Variants in VSIG1 observed in about 807,000 individuals in gnomAD.
VSIG1 encodes V-set and immunoglobulin domain containing 1, also known as V-set and immunoglobulin domain-containing protein 1.
A neutral mutation model predicts 20.1 loss-of-function variants in VSIG1; 11 were observed. The ratio of observed to expected loss-of-function variants is 0.55; its 90% CI spans 0.34 to 0.91. The LOEUF (loss-of-function observed/expected upper bound fraction) is 0.91. VSIG1 is among the 40% of genes least tolerant of loss of function. VSIG1 has a pLI of 0.02. For synonymous variants in VSIG1, 126 were observed against 116.7 expected, an observed-to-expected ratio of 1.08 and a Z score of -0.52; for missense variants, 283 against 298.8, an observed-to-expected ratio of 0.95 and a Z score of 0.39.
chrX:108,030,851 A>G, the VSIG1 span, among the ~76,000 whole-genome samples: 1 of 112,029 alleles, frequency 8.9e-6, no homozygotes, highest in Middle Eastern at 4.6e-3. Flanking sequence ...TAAGCTGGTG[A>G]GTTGTCTAAT....
upstream of VSIG1, among the ~76,000 whole-genome samples, chrX:108,041,783 A>G (rs2030485678): frequency 9.3e-6 from 1 of 107,147 alleles, no homozygotes; most frequent in Non-Finnish European, 1.9e-5. Flanking sequence ...TGAGGGATAA[A>G]TCAGATATCA....
chrX:108,042,909 GT>G (rs1378866044), upstream of VSIG1, among the ~76,000 whole-genome samples: 3 of 109,518 alleles, frequency 2.7e-5, no homozygotes, highest in East Asian at 2.9e-4. Flanking sequence ...TCAATGAAAC[GT>G]TTTTTTTTCC....
At chrX:108,045,216 G>C in intron 1 of VSIG1, 37 bp downstream of exon 1, 1 of 1,105,050 alleles carries the variant, frequency 9.0e-7, no homozygotes, top group Non-Finnish European at 1.2e-6. Context: ...AATATAATTG[G>C]AAACAGAGTT....
chrX:108,072,574 A>G (rs373745998), intron 3 of VSIG1, 103 bp from the exon 4 acceptor site: 2 of 868,638 alleles, frequency 2.3e-6, no homozygotes. Context: ...TTAAAAATAA[A>G]TAAACACACA....
At chrX:108,025,603 A>G in the VSIG1 span, among the ~76,000 whole-genome samples, 2 of 112,885 alleles carry the variant, frequency 1.8e-5, no homozygotes, top group African/African-American at 6.4e-5. Flanking sequence ...AGATATTTCA[A>G]GCTGTAAGCT....
At chrX:108,057,917 C>T (rs1300013142) in intron 1 of VSIG1, 121 bp from the exon 2 acceptor site, 7 of 688,842 alleles carry the variant, frequency 1.0e-5, no homozygotes, top group Non-Finnish European at 1.4e-5. Context: ...ATGGTTTATT[C>T]TACCTTCTTC....
At chrX:108,046,588 G>T (rs1162552422) in intron 1 of VSIG1, among the ~76,000 whole-genome samples, 1 of 109,436 alleles carries the variant, frequency 9.1e-6, no homozygotes, top group African/African-American at 3.3e-5. Context: ...TAACATACAA[G>T]TAATTTTTAC....
rs34030241 is a variant in VSIG1, at chrX:108,058,218, C to G, written c.213+17C>G. The G allele has an allele frequency of 8.4e-7, 1 of 1,192,377 alleles. No individual in the cohort carries two copies. Among genetic ancestry groups the G allele is most frequent in the Admixed American group, 2.3e-5 (1 of 44,325 alleles). ...CCAATTTCTGTAAGGACACTTTTTC[C>G]TAAACTCTTCCCCTTTTGTAGTTCT... On this transcript the variant is annotated intron_variant, in intron 2 of 6. Coordinates refer to ENST00000217957, the MANE Select transcript of VSIG1 (RefSeq NM_182607.5).
the VSIG1 span, among the ~76,000 whole-genome samples, chrX:108,020,407 C>A: frequency 8.9e-6 from 1 of 111,958 alleles, no homozygotes; most frequent in Admixed American, 9.4e-5. Context: ...AATTGCTTTT[C>A]TGTGTTATCT....
intron 5 of VSIG1, among the ~76,000 whole-genome samples, chrX:108,074,949 C>T (rs750280631): frequency 1.8e-5 from 2 of 111,794 alleles, no homozygotes; most frequent in African/African-American, 6.5e-5. Flanking sequence ...TTGGAAATTT[C>T]GGGATGAGTG....
intron 6 of VSIG1, 30 bp from the exon 7 acceptor site, chrX:108,077,018 T>C: frequency 8.5e-7 from 1 of 1,175,859 alleles, no homozygotes; most frequent in Non-Finnish European, 1.1e-6. Context: ...TCTCCCTAAC[T>C]TGTTCTTTTC....
At chrX:108,046,026 T>C (rs755596927) in intron 1 of VSIG1, among the ~76,000 whole-genome samples, 10 of 111,426 alleles carry the variant, frequency 9.0e-5, no homozygotes, top group African/African-American at 3.3e-4. Flanking sequence ...GATGCACACA[T>C]ATGCCTAGAA....
rs140197378 is a variant in VSIG1 at position 108,072,733 on chromosome X, A to G, written c.469A>G (p.Ile157Val). 8.7e-5 allele frequency: 105 copies of G among 1,208,808 alleles called. No individual in the cohort carries two copies. Among genetic ancestry groups the G allele is most frequent in the Non-Finnish European group, 1.1e-4 (96 of 894,704 alleles). ...VQGRPETGHTISLSCLSALGT... is the reference protein window; with the variant it reads ...VQGRPETGHTVSLSCLSALGT... Reference sequence around the variant, plus strand: ...AGGAAGACCAGAAACTGGCCACACTATTTCCCTTTCCTGTCTCTCTGCGCT... The same window carrying G: ...AGGAAGACCAGAAACTGGCCACACTGTTTCCCTTTCCTGTCTCTCTGCGCT... The change falls in exon 4 of 7, where the codon ATT becomes GTT. Residue 157 changes from isoleucine to valine, a missense_variant. Transcript: ENST00000217957.
the VSIG1 span, among the ~76,000 whole-genome samples, chrX:108,024,085 C>T: frequency 9.0e-6 from 1 of 111,714 alleles, no homozygotes; most frequent in Non-Finnish European, 1.9e-5. Context: ...GCCAAACAGA[C>T]AAATACAGAA....
chrX:108,045,361 G>A (rs113254562), intron 1 of VSIG1, among the ~76,000 whole-genome samples, 182 bp downstream of exon 1: 1 of 112,010 alleles, frequency 8.9e-6, no homozygotes, highest in African/African-American at 3.3e-5. Flanking sequence ...TATATTAGGG[G>A]TGTAAGCCCA....
At chrX:108,026,955 A>G in the VSIG1 span, among the ~76,000 whole-genome samples, 1 of 112,095 alleles carries the variant, frequency 8.9e-6, no homozygotes. Flanking sequence ...CATTAGGGCA[A>G]TGCAAATCAA....
chrX:108,066,366 G>C (rs1055188106), intron 2 of VSIG1, among the ~76,000 whole-genome samples: 1 of 111,361 alleles, frequency 9.0e-6, no homozygotes, highest in African/African-American at 3.3e-5. Context: ...GATGGGACCA[G>C]ATGATTTCTA....
At chrX:108,043,073 G>A (rs145760685), upstream of VSIG1, among the ~76,000 whole-genome samples, 74 of 111,360 alleles carry the variant, frequency 6.6e-4, 1 homozygote, top group East Asian at 0.011. Flanking sequence ...AGGAGCCAGG[G>A]GGCCGTGAAG....
chrX:108,067,335 A>G (rs1274712132), intron 3 of VSIG1, among the ~76,000 whole-genome samples: 2 of 111,574 alleles, frequency 1.8e-5, no homozygotes, highest in African/African-American at 6.5e-5. Context: ...CATGCAGAAC[A>G]ATTGTGCAAA....
Sources: allele counts gnomAD v4.1 joint callset (sites outside exome capture counted in the v4.1 genomes callset), GRCh38; gene constraint gnomAD v4.1.1; transcripts MANE v1.5; gene names NCBI Gene and HGNC (gene_info 2026-07-23, HGNC 2026-07-21).